The following KYNU variants were observed in gnomAD, a reference collection of about 807,000 sequenced individuals.
KYNU encodes L-kynurenine hydrolase.
A neutral mutation model predicts 59.2 loss-of-function variants in KYNU; 54 were observed. The observed-to-expected ratio is 0.91, with a 90% CI of 0.73 to 1.14. KYNU has a LOEUF of 1.14. KYNU is among the 50% of genes most tolerant of loss of function. The pLI is 0.00. For missense variants in KYNU, 567 were observed against 554.4 expected (o/e 1.02, Z -0.23); for synonymous variants, 177 against 192.0 (o/e 0.92, Z 0.65).
At chr2:142,917,203 C>T (rs1682694097) in intron 2 of KYNU, among the ~76,000 whole-genome samples, 1 of 152,130 alleles carries the variant, frequency 6.6e-6, no homozygotes, top group Admixed American at 6.6e-5. Flanking sequence ...AAAGGGGACC[C>T]TCTCCCACTT....
chr2:142,894,750 G>T (rs898691064), intron 2 of KYNU, among the ~76,000 whole-genome samples: 3 of 152,168 alleles, frequency 2.0e-5, no homozygotes, highest in Admixed American at 6.5e-5. Context: ...AGAGATGGAA[G>T]AATATATATT....
At chr2:142,880,985 TA>T (rs1318662570) in intron 1 of KYNU, among the ~76,000 whole-genome samples, 2 of 152,240 alleles carry the variant, frequency 1.3e-5, no homozygotes, top group African/African-American at 4.8e-5. Context: ...GTAAAGTACA[TA>T]AGTGTGCTCT....
At chr2:142,918,567 CTTTTA>C in intron 2 of KYNU, 37 bp from the exon 3 acceptor site, 3 of 1,447,966 alleles carry the variant, frequency 2.1e-6, no homozygotes, top group African/African-American at 3.2e-5. Context: ...ACTGAAAAAG[CTTTTA>C]TTTTTTTTTT....
intron 1 of KYNU, among the ~76,000 whole-genome samples, chr2:142,884,810 G>A (rs558473737): frequency 6.8e-6 from 1 of 147,426 alleles, no homozygotes; most frequent in Non-Finnish European, 1.5e-5. Flanking sequence ...GGGTTCAAGC[G>A]ATTCTCCTGC....
intron 1 of KYNU, among the ~76,000 whole-genome samples, chr2:142,883,319 C>T (rs375215759): frequency 1.3e-5 from 2 of 150,526 alleles, no homozygotes; most frequent in African/African-American, 2.4e-5. Context: ...CTCAGCTTCC[C>T]GAGTAGCTGG....
At chr2:142,995,324 A>G (rs769209919) in intron 10 of KYNU, among the ~76,000 whole-genome samples, 4 of 152,072 alleles carry the variant, frequency 2.6e-5, no homozygotes, top group Admixed American at 1.3e-4. Flanking sequence ...AGCTTACTGG[A>G]CATATTAGAA....
chr2:143,039,040 C>G (rs930066321), intron 12 of KYNU, among the ~76,000 whole-genome samples: 2 of 152,094 alleles, frequency 1.3e-5, no homozygotes, highest in Non-Finnish European at 2.9e-5. Flanking sequence ...GTTCTGACCC[C>G]TAATATTCCA....
At chr2:142,956,384 A>T in intron 6 of KYNU, 110 bp downstream of exon 6, 1 of 683,102 alleles carries the variant, frequency 1.5e-6, no homozygotes, top group South Asian at 1.7e-5. Context: ...CAATCTTACA[A>T]TAAAAAGATC....
intron 4 of KYNU, among the ~76,000 whole-genome samples, chr2:142,940,919 A>G (rs1050021514): frequency 8.5e-5 from 13 of 152,220 alleles, no homozygotes; most frequent in African/African-American, 3.1e-4. Context: ...CCAGTTTACT[A>G]TAAAGATACA....
Position 142,950,041 on chromosome 2 carries a change from T to C in KYNU, c.374-4769T>C, listed in dbSNP as rs186435438. ...TAGGGCAGGGGCAGAATGTCGCCAG[T>C]CTCTTTGCTAAAACATAACAAGAGT... On this transcript the variant is annotated intron_variant, in intron 4 of 13. Coordinates refer to ENST00000264170, the MANE Select transcript of KYNU (RefSeq NM_003937.3). Among the ~76,000 whole-genome samples, 32 of 152,328 alleles carry C rather than the reference T, an allele frequency of 2.1e-4. No homozygotes were observed. In the East Asian group the frequency reaches 5.8e-3, roughly 28 times the overall value.
chr2:142,894,895 C>A (rs1167303207), intron 2 of KYNU, among the ~76,000 whole-genome samples: 1 of 152,092 alleles, frequency 6.6e-6, no homozygotes, highest in African/African-American at 2.4e-5. Context: ...TGGCTTGAGT[C>A]CAGGAATTCA....
chr2:142,977,247 T>C (rs1343388867), intron 8 of KYNU, among the ~76,000 whole-genome samples: 1 of 152,010 alleles, frequency 6.6e-6, no homozygotes, highest in African/African-American at 2.4e-5. Flanking sequence ...TTTACAAAAT[T>C]GAGGCTCAAA....
intron 8 of KYNU, among the ~76,000 whole-genome samples, chr2:142,961,192 CAA>C (rs71404458): frequency 2.7e-5 from 3 of 110,644 alleles, no homozygotes; most frequent in Non-Finnish European, 4.1e-5. Flanking sequence ...GACTCCATCT[CAA>C]AAAAAAAAAA....
intron 2 of KYNU, among the ~76,000 whole-genome samples, chr2:142,887,681 A>G (rs1681565194): frequency 6.6e-6 from 1 of 152,208 alleles, no homozygotes; most frequent in African/African-American, 2.4e-5. Context: ...AATACTGTGT[A>G]ATTCCAATTA....
Position 143,050,840 on chromosome 2 carries a change from T to C in KYNU, c.*8668T>C, listed in dbSNP as rs1255601617. 1.3e-5 allele frequency: 2 copies of C among 152,182 alleles called. No homozygotes were observed. The highest frequency in any genetic ancestry group is 4.8e-5 in the African/African-American group (2 of 41,444). 9.4% of individuals were successfully genotyped at this position (152,182 alleles called of 1,614,324 possible). On this transcript the variant is annotated 3_prime_UTR_variant, in exon 14 of 14. Transcript: ENST00000264170. ...TAAACTGAAGTTGTTAGAACATTGA[T>C]TTTTTTAAGTAAATGGATTTTTGCA... is the stretch of plus-strand genomic sequence containing the variant.
intron 10 of KYNU, among the ~76,000 whole-genome samples, chr2:143,003,429 A>G (rs887455826): frequency 6.6e-6 from 1 of 152,068 alleles, no homozygotes; most frequent in Admixed American, 6.5e-5. Context: ...TAATAATAAA[A>G]TAAAATAGCC....
intron 3 of KYNU, among the ~76,000 whole-genome samples, chr2:142,919,193 T>C (rs1682783493): frequency 6.6e-6 from 1 of 152,216 alleles, no homozygotes; most frequent in South Asian, 2.1e-4. Context: ...GTAGTCTCAT[T>C]TGATTGATGA....
chr2:143,049,351 A>G lies in KYNU; in HGVS notation c.*7179A>G, dbSNP rs1687224769. On this transcript the variant is annotated 3_prime_UTR_variant, in exon 14 of 14. Transcript: ENST00000264170. ...CTGGTTCCCCATTGAGCTTCCCTGC[A>G]TCAGCTGTTTTGCCTGGTGGCTGCC... is the stretch of plus-strand genomic sequence containing the variant. 6.6e-6 allele frequency: 1 copy of G among 152,158 alleles called. No individual in the cohort carries two copies. The highest frequency in any genetic ancestry group is 1.5e-5 in the Non-Finnish European group (1 of 68,042). The allele number at this position is 152,158 out of a possible 1,614,324, so 9.4% of individuals were successfully genotyped here.
Position 142,956,223 on chromosome 2 carries a change from G to A in KYNU, c.456G>A (p.Thr152=), listed in dbSNP as rs375273034. Residue 152 remains threonine, a synonymous_variant, in exon 6 of 14, where the codon ACG becomes ACA. Coordinates refer to ENST00000264170, the MANE Select transcript of KYNU (RefSeq NM_003937.3). ...TGCAGTTATCATTTTTTAAGCCTAC[G>A]CCAAAACGATATAAAATTCTTCTAG... ...HLLMLSFFKP[T]PKRYKILLEA... 37 of 1,598,416 alleles carry A rather than the reference G, an allele frequency of 2.3e-5. No homozygotes were observed. The highest frequency in any genetic ancestry group is 1.3e-4 in the South Asian group (12 of 90,666).
Sources: allele counts gnomAD v4.1 joint callset (sites outside exome capture counted in the v4.1 genomes callset), GRCh38; gene constraint gnomAD v4.1.1; transcripts MANE v1.5; gene names NCBI Gene and HGNC (gene_info 2026-07-23, HGNC 2026-07-21).